The following SLC2A9 variants were observed in gnomAD, a reference collection of about 807,000 sequenced individuals.
SLC2A9 encodes solute carrier family 2 member 9.
Under a neutral mutation model 50.6 loss-of-function variants are expected in SLC2A9, and 39 were observed. That is an observed-to-expected ratio of 0.77 (90% CI 0.60 to 1.01). The LOEUF (loss-of-function observed/expected upper bound fraction) is 1.01, where lower values mean the gene tolerates loss of function less well. SLC2A9 is among the 50% of genes least tolerant of loss of function. The pLI, the probability that SLC2A9 is intolerant of heterozygous loss-of-function variation, is 0.00. For missense variants in SLC2A9, 686 were observed against 677.6 expected (o/e 1.01, Z -0.14); for synonymous variants, 324 against 276.9 (o/e 1.17, Z -1.69).
intron 2 of SLC2A9, among the ~76,000 whole-genome samples, chr4:10,000,863 G>A (rs78389225): frequency 0.031 from 4,687 of 152,114 alleles, 251 homozygotes; most frequent in African/African-American, 0.11. Flanking sequence ...TTCTCCAGTT[G>A]CTCAGCCAAA....
At chr4:9,956,409 G>A (rs1292950155) in intron 5 of SLC2A9, among the ~76,000 whole-genome samples, 3 of 152,044 alleles carry the variant, frequency 2.0e-5, no homozygotes, top group African/African-American at 4.8e-5. Flanking sequence ...GAATCTGGGA[G>A]GTAGAGCTTG....
chr4:9,772,328 T>C (rs2108814918), intron 1 of SLC2A9, among the ~76,000 whole-genome samples: 1 of 152,354 alleles, frequency 6.6e-6, no homozygotes, highest in Middle Eastern at 3.4e-3. Flanking sequence ...CTATTGTGGA[T>C]TGTCAAGATG....
chr4:9,983,640 T>C (rs999876303), intron 4 of SLC2A9, among the ~76,000 whole-genome samples: 25 of 151,842 alleles, frequency 1.6e-4, no homozygotes, highest in African/African-American at 5.3e-4. Context: ...CCAGCAGAGA[T>C]TGGCAGAGCT....
chr4:9,956,123 C>T (rs1751231881), intron 5 of SLC2A9, among the ~76,000 whole-genome samples: 1 of 151,724 alleles, frequency 6.6e-6, no homozygotes, highest in African/African-American at 2.4e-5. Context: ...AGGTGATCGA[C>T]CTGCCTCGGC....
At chr4:9,997,063 G>T in intron 2 of SLC2A9, 122 bp from the exon 3 acceptor site, 2 of 1,164,328 alleles carry the variant, frequency 1.7e-6, no homozygotes, top group Non-Finnish European at 2.6e-6. Context: ...TTGCTAATTT[G>T]TTTGAGCTTT....
At chr4:9,858,593 G>A (rs372178504) in intron 10 of SLC2A9, among the ~76,000 whole-genome samples, 12 of 152,258 alleles carry the variant, frequency 7.9e-5, no homozygotes, top group African/African-American at 1.9e-4. Flanking sequence ...TAATAGTCAC[G>A]TCAGGATGTC....
chr4:9,938,679 G>A (rs1747585866), intron 6 of SLC2A9, among the ~76,000 whole-genome samples: 1 of 152,212 alleles, frequency 6.6e-6, no homozygotes, highest in African/African-American at 2.4e-5. Context: ...AGGTTTGAAT[G>A]AGACAAACTG....
At chr4:9,972,115 T>G (rs58254467) in intron 5 of SLC2A9, among the ~76,000 whole-genome samples, 9 of 152,252 alleles carry the variant, frequency 5.9e-5, no homozygotes, top group Non-Finnish European at 1.3e-4. Flanking sequence ...AACATTGTTT[T>G]CTTTCAGAAA....
chr4:9,873,506 C>T (rs1179828259), intron 10 of SLC2A9, among the ~76,000 whole-genome samples: 1 of 152,196 alleles, frequency 6.6e-6, no homozygotes, highest in African/African-American at 2.4e-5. Flanking sequence ...TGTGGAGTTC[C>T]AAGCCCAGGC....
chr4:10,007,735 ATCC>A (rs1481878171), intron 2 of SLC2A9, among the ~76,000 whole-genome samples: 1 of 152,154 alleles, frequency 6.6e-6, no homozygotes, highest in African/African-American at 2.4e-5. Context: ...CTTTTTGCAT[ATCC>A]TCCGGTTGGC....
chr4:9,829,512 C>T (rs2090606), intron 11 of SLC2A9, among the ~76,000 whole-genome samples: 80,728 of 147,940 alleles, frequency 0.55, 22,972 homozygotes, highest in Non-Finnish European at 0.63. Flanking sequence ...CAAAAATTGA[C>T]GAATGGGATC....
In SLC2A9 at chr4:9,881,462, C is replaced by T. The variant is rs144646451; in HGVS notation, c.1291+6105G>A. Reference sequence around the variant, plus strand: ...CCTGGAAATTCCTCCTTCCCTACCTCACCAGCTAGCCCTCTCCCAAGTTCC... The same window carrying T: ...CCTGGAAATTCCTCCTTCCCTACCTTACCAGCTAGCCCTCTCCCAAGTTCC... On this transcript the variant is annotated intron_variant, in intron 10 of 11. Transcript: ENST00000264784. 4.3e-3 allele frequency among the ~76,000 whole-genome samples: 653 copies of T among 152,354 alleles called. 6 individuals carry two copies. Among genetic ancestry groups the T allele is most frequent in the African/African-American group, 0.015 (629 of 41,584 alleles).
intron 3 of SLC2A9, among the ~76,000 whole-genome samples, chr4:9,811,481 C>T (rs979321806): frequency 4.6e-5 from 7 of 152,198 alleles, no homozygotes; most frequent in Non-Finnish European, 7.3e-5. Context: ...GATGGTAACA[C>T]TTGGTCTAGG....
At chr4:9,868,694 C>A (rs967477355) in intron 10 of SLC2A9, among the ~76,000 whole-genome samples, 1 of 152,192 alleles carries the variant, frequency 6.6e-6, no homozygotes, top group South Asian at 2.1e-4. Flanking sequence ...CCAGGAACCC[C>A]CATACCTGTG....
At chr4:9,939,594 GT>G (rs34540530) in intron 6 of SLC2A9, among the ~76,000 whole-genome samples, 9,948 of 146,502 alleles carry the variant, frequency 0.068, 834 homozygotes, top group East Asian at 0.46. Context: ...CCCATCCTTG[GT>G]TTTTTTTTTT....
At chr4:9,901,000 A>G (rs796627903) in intron 8 of SLC2A9, among the ~76,000 whole-genome samples, 41 of 152,344 alleles carry the variant, frequency 2.7e-4, no homozygotes, top group African/African-American at 9.6e-4. Flanking sequence ...CATATCAACG[A>G]GAGTCCACAT....
exon 4 of SLC2A9, chr4:9,799,192 G>C (rs1720984973): frequency 6.6e-6 from 1 of 152,222 alleles, no homozygotes; most frequent in African/African-American, 2.4e-5. Context: ...GGGAAGTCTT[G>C]AGACTCACCC....
chr4:9,811,018 C>G (rs996734467), intron 3 of SLC2A9, among the ~76,000 whole-genome samples: 1 of 152,210 alleles, frequency 6.6e-6, no homozygotes, highest in Non-Finnish European at 1.5e-5. Flanking sequence ...TTCTAGGTGG[C>G]TCTGAAAGAG....
intron 3 of SLC2A9, among the ~76,000 whole-genome samples, chr4:9,805,012 G>T (rs1213267122): frequency 6.6e-6 from 1 of 152,126 alleles, no homozygotes; most frequent in Non-Finnish European, 1.5e-5. Flanking sequence ...GGGAAATGTG[G>T]CCCCTGAAAG....
Sources: allele counts gnomAD v4.1 joint callset (sites outside exome capture counted in the v4.1 genomes callset), GRCh38; gene constraint gnomAD v4.1.1; transcripts MANE v1.5; gene names NCBI Gene and HGNC (gene_info 2026-07-23, HGNC 2026-07-21).